Variants in CEP295 observed in about 807,000 individuals in gnomAD.
CEP295 encodes centrosomal protein 295.
CEP295 carries 190 observed loss-of-function variants against 291.6 expected under a neutral mutation model. That is an observed-to-expected ratio of 0.65 (90% confidence interval 0.58 to 0.73). CEP295 has a LOEUF of 0.73. CEP295 is among the 30% of genes least tolerant of loss of function. The pLI is 0.00. For missense variants in CEP295, 2,863 were observed against 2,949.4 expected, an observed-to-expected ratio of 0.97 and a Z score of 0.68; for synonymous variants, 993 against 1,038.8, an observed-to-expected ratio of 0.96 and a Z score of 0.85.
In CEP295 at chr11:93,687,672, TC is replaced by T. The variant is rs1951312569; in HGVS notation, c.1145del (p.Pro382LeufsTer10). The T allele has an allele frequency of 6.5e-7, 1 of 1,536,648 alleles. No individual in the cohort carries two copies. Among genetic ancestry groups the T allele is most frequent in the Non-Finnish European group, 8.8e-7 (1 of 1,136,446 alleles). Reference protein sequence around the residue: ...VPLVMKTQQIPSKVLFKKLLN... With the variant: ...VPLVMKTQQIXSKVLFKKLLN... Reference sequence around the variant, plus strand: ...CCTTGGTAATGAAGACCCAACAGATTCCTTCAAAAGTTCTTTTTAAAAAATT... The same window carrying T: ...CCTTGGTAATGAAGACCCAACAGATTCTTCAAAAGTTCTTTTTAAAAAATT... On this transcript the variant is annotated frameshift_variant, in exon 10 of 30. Transcript: ENST00000325212. LOFTEE classifies it high-confidence loss of function.
intron 12 of CEP295, among the ~76,000 whole-genome samples, chr11:93,695,031 G>A (rs1415061819): frequency 1.3e-5 from 2 of 152,196 alleles, no homozygotes; most frequent in African/African-American, 4.8e-5. Context: ...AAAAGACACA[G>A]AATGTTGTTC....
In CEP295 at chr11:93,679,449, G is replaced by A. The variant is rs377332164; in HGVS notation, c.662G>A (p.Arg221Gln). 6 of 1,551,362 alleles carry A rather than the reference G, an allele frequency of 3.9e-6. No individual in the cohort carries two copies. The highest frequency in any genetic ancestry group is 4.9e-5 in the East Asian group (2 of 40,918). Residue 221 changes from arginine to glutamine, a missense_variant, in exon 7 of 30, where the codon CGA becomes CAA. This residue lies in a region of CEP295 where 554 missense variants were observed against 576.0 expected (regional missense o/e 0.96). Coordinates refer to ENST00000325212, the MANE Select transcript of CEP295 (RefSeq NM_033395.2). ...TTGGCTGCTGAAGAGGAAGCTAAAC[G>A]ATTGGAAGAACTACAAAAACAGGCA... ...ARLAAEEEAK[R>Q]LEELQKQAAQ...
chr11:93,684,268 C>T, intron 9 of CEP295, 140 bp downstream of exon 9: 1 of 628,300 alleles, frequency 1.6e-6, no homozygotes, highest in Non-Finnish European at 2.6e-6. Flanking sequence ...CTAAAGGATA[C>T]AACGTTTTTA....
intron 18 of CEP295, 122 bp from the exon 19 acceptor site, chr11:93,721,190 A>C (rs1953688158): frequency 1.6e-6 from 1 of 637,200 alleles, no homozygotes; most frequent in Non-Finnish European, 2.8e-6. Flanking sequence ...AACTTTAAGA[A>C]GCAAAATGAG....
At chr11:93,663,151 C>T (rs978035862) in intron 1 of CEP295, among the ~76,000 whole-genome samples, 4 of 152,190 alleles carry the variant, frequency 2.6e-5, no homozygotes, top group Admixed American at 6.5e-5. Context: ...CTGAAATCTC[C>T]ATTTGCACTG....
chr11:93,706,874 G>C lies in CEP295; in HGVS notation c.5726G>C (p.Cys1909Ser). ...CLQLVGQENV[C>S]GDDYDEAVKL... ...CAACTGGTTGGCCAAGAGAATGTCT[G>C]TGGTGATGACTATGATGAAGCAGGT... Residue 1909 changes from cysteine to serine, a missense_variant, in exon 18 of 30, where the codon TGT (cysteine) becomes TCT (serine). By Grantham distance (112) the Cys-to-Ser change is moderately radical (BLOSUM62 -1). Around this residue, in one of 3 missense-constraint regions of CEP295, gnomAD observed 2,295 missense variants for 2,335.7 expected, o/e 0.98. Coordinates refer to ENST00000325212, the MANE Select transcript of CEP295 (RefSeq NM_033395.2). The C allele has an allele frequency of 2.6e-6, 4 of 1,544,344 alleles. No individual in the cohort carries two copies. Among genetic ancestry groups the C allele is most frequent in the Non-Finnish European group, 3.5e-6 (4 of 1,143,168 alleles).
At chr11:93,682,216 T>G (rs572095145) in intron 7 of CEP295, among the ~76,000 whole-genome samples, 1 of 152,178 alleles carries the variant, frequency 6.6e-6, no homozygotes, top group South Asian at 2.1e-4. Context: ...ACTTTTTAAT[T>G]TATTTTTATT....
chr11:93,720,669 T>A (rs928425073), intron 18 of CEP295, among the ~76,000 whole-genome samples: 2 of 152,068 alleles, frequency 1.3e-5, no homozygotes, highest in Non-Finnish European at 2.9e-5. Flanking sequence ...CTCGGTTCAT[T>A]ACAACCTCCG....
At position 93,697,207 on chromosome 11, in the gene CEP295, C is replaced by G; in HGVS notation, c.2295C>G (p.Ser765=). The G allele has an allele frequency of 6.4e-7, 1 of 1,551,680 alleles. No homozygotes were observed. The highest frequency in any genetic ancestry group is 8.7e-7 in the Non-Finnish European group (1 of 1,146,990). ...CAACAACTTTTCAAAGTTTAGAATC[C>G]CAACAATTGTTCTCAGAGAATAGTG... The part of the protein sequence containing the change: ...FGATTFQSLE[S]QQLFSENSEN... Residue 765 remains serine, a synonymous_variant, in exon 15 of 30, where the codon TCC becomes TCG. Transcript: ENST00000325212.
In CEP295 at chr11:93,697,401, A is replaced by G; in HGVS notation, c.2489A>G (p.His830Arg). The change falls in exon 15 of 30, where the codon CAT becomes CGT. Residue 830 changes from histidine (H) to arginine (R), a missense_variant. Transcript: ENST00000325212. ...AGCCATTCTATAATCAGCCAAATGC[A>G]TGATAGGCCTTTGCTGCCGTCAGAG... ...STSHSIISQM[H>R]DRPLLPSENI... The G allele has an allele frequency of 5.8e-6, 9 of 1,552,204 alleles. No individual in the cohort carries two copies. Among genetic ancestry groups the G allele is most frequent in the African/African-American group, 4.1e-5 (3 of 73,178 alleles).
Position 93,698,429 on chromosome 11 carries a change from C to T in CEP295, c.3517C>T (p.Gln1173Ter). 6 of 1,551,960 alleles carry T rather than the reference C, an allele frequency of 3.9e-6. No homozygotes were observed. The highest frequency in any genetic ancestry group is 4.4e-6 in the Non-Finnish European group (5 of 1,147,012). ...AATACTCCAAGAACAGTCACAAATA[C>T]AAAGGGTAATACTTGGTGCTAAAGA... Reference protein sequence around the residue: ...LTILQEQSQIQRVILGAKEGT... With the variant: ...LTILQEQSQI The change falls in exon 15 of 30, where the codon CAA (glutamine) becomes TAA (stop). Residue 1173 changes from glutamine to a stop codon, truncating the protein, a stop_gained. Transcript: ENST00000325212. LOFTEE classifies it high-confidence loss of function.
chr11:93,682,848 G>A (rs547258750), intron 7 of CEP295, among the ~76,000 whole-genome samples: 1 of 152,118 alleles, frequency 6.6e-6, no homozygotes, highest in East Asian at 1.9e-4. Flanking sequence ...ATACTGTTGT[G>A]CTGCAGTTTT....
intron 18 of CEP295, among the ~76,000 whole-genome samples, chr11:93,709,085 T>C (rs964709289): frequency 6.6e-6 from 1 of 152,138 alleles, no homozygotes; most frequent in Admixed American, 6.5e-5. Flanking sequence ...TTTTCTCCCA[T>C]CCTATTGGTT....
chr11:93,662,575 A>G (rs893915232), intron 1 of CEP295, among the ~76,000 whole-genome samples: 4 of 152,254 alleles, frequency 2.6e-5, no homozygotes, highest in African/African-American at 7.2e-5. Flanking sequence ...TTAAAAATCC[A>G]TATTACTAAG....
chr11:93,711,198 T>C (rs1041272700), intron 18 of CEP295, among the ~76,000 whole-genome samples: 6 of 152,146 alleles, frequency 3.9e-5, no homozygotes, highest in Non-Finnish European at 8.8e-5. Context: ...TTTTAGGTTG[T>C]TGATTTGAAG....
At position 93,698,244 on chromosome 11, in the gene CEP295, C is replaced by A. The variant is rs1316580900; in HGVS notation, c.3332C>A (p.Ala1111Asp). The change falls in exon 15 of 30, where the codon GCT (alanine) becomes GAT (aspartate). Residue 1111 changes from alanine (A) to aspartate (D), a missense_variant. Physicochemically the swap from Ala to Asp is moderately radical, Grantham distance 126. Around this residue, in one of 3 missense-constraint regions of CEP295, gnomAD observed 2,295 missense variants for 2,335.7 expected, o/e 0.98. Transcript: ENST00000325212. ...SSPVVVQHSV[A>D]SQASAKAEPR... ...CCAGTGGTTGTTCAGCATTCAGTTG[C>A]TTCACAAGCTTCTGCTAAAGCTGAG... is the stretch of plus-strand genomic sequence containing the variant. 1.3e-6 allele frequency: 2 copies of A among 1,551,672 alleles called. No individual in the cohort carries two copies. Among genetic ancestry groups the A allele is most frequent in the African/African-American group, 1.4e-5 (1 of 73,030 alleles).
chr11:93,667,625 G>C lies in CEP295; in HGVS notation c.127G>C (p.Asp43His). The change falls in exon 3 of 30, where the codon GAT (aspartate) becomes CAT (histidine). Residue 43 changes from aspartate (D) to histidine (H), a missense_variant. This residue lies in a region of CEP295 where 554 missense variants were observed against 576.0 expected (regional missense o/e 0.96). Coordinates refer to ENST00000325212, the MANE Select transcript of CEP295 (RefSeq NM_033395.2). ...RLLQVREQER[D>H]IALQIREDIK... ...TCTTTAGGTTCGAGAACAAGAAAGA[G>C]ATATCGCCTTACAGATAAGAGAAGA... is the stretch of plus-strand genomic sequence containing the variant. The C allele has an allele frequency of 3.9e-6, 6 of 1,548,188 alleles. No homozygotes were observed. The highest frequency in any genetic ancestry group is 5.2e-6 in the Non-Finnish European group (6 of 1,145,878).
intron 12 of CEP295, among the ~76,000 whole-genome samples, chr11:93,692,614 T>C (rs969804097): frequency 1.3e-5 from 2 of 152,080 alleles, no homozygotes; most frequent in Non-Finnish European, 2.9e-5. Context: ...TAGGCCACCA[T>C]GCCCAGCTAA....
intron 17 of CEP295, among the ~76,000 whole-genome samples, chr11:93,706,405 A>G (rs996857891): frequency 2.0e-5 from 3 of 152,176 alleles, no homozygotes; most frequent in Non-Finnish European, 4.4e-5. Context: ...CTTCTAAACC[A>G]TATCTTGATT....
Sources: allele counts gnomAD v4.1 joint callset (sites outside exome capture counted in the v4.1 genomes callset), GRCh38; gene constraint gnomAD v4.1.1; regional missense constraint gnomAD v4.1.1; transcripts MANE v1.5; gene names NCBI Gene and HGNC (gene_info 2026-07-23, HGNC 2026-07-21).